Variants in ZNF292 observed in about 807,000 individuals in gnomAD.
ZNF292 encodes zinc finger protein 292.
In ZNF292, 26 loss-of-function variants were observed where a neutral mutation model predicts 217.9. That is an observed-to-expected ratio of 0.12 (90% CI 0.09 to 0.17). The LOEUF is 0.17. ZNF292 is among the 10% of genes least tolerant of loss of function. ZNF292 has a pLI of 1.00. For missense variants in ZNF292, 2,904 were observed against 3,175.2 expected (o/e 0.91, Z 2.05); for synonymous variants, 1,257 against 1,124.1 (o/e 1.12, Z -2.37).
chr6:87,189,393 ATAT>A (rs907652502), intron 1 of ZNF292, among the ~76,000 whole-genome samples: 4 of 151,652 alleles, frequency 2.6e-5, no homozygotes, highest in African/African-American at 7.3e-5. Context: ...CAATATTCAT[ATAT>A]TATTATTATT....
At chr6:87,190,283 A>G (rs1336420781) in intron 1 of ZNF292, among the ~76,000 whole-genome samples, 1 of 152,184 alleles carries the variant, frequency 6.6e-6, no homozygotes, top group Non-Finnish European at 1.5e-5. Context: ...AGCTTTCTTC[A>G]TTCAGGTACT....
Position 87,204,649 on chromosome 6 carries a change from C to T in ZNF292, c.169-11254C>T, listed in dbSNP as rs954868237. 8.9e-5 allele frequency among the ~76,000 whole-genome samples: 13 copies of T among 145,908 alleles called. 1 individual carries two copies. Among genetic ancestry groups the T allele is most frequent in the African/African-American group, 1.3e-4 (5 of 38,716 alleles). Reference sequence around the variant, plus strand: ...CACGATCTTGCCTCACTGCAACCTCCGCCTCCTGGGTTCAAGCGATTCTCC... The same window carrying T: ...CACGATCTTGCCTCACTGCAACCTCTGCCTCCTGGGTTCAAGCGATTCTCC... On this transcript the variant is annotated intron_variant, in intron 1 of 7. Coordinates refer to ENST00000369577, the MANE Select transcript of ZNF292 (RefSeq NM_015021.3).
At chr6:87,162,928 A>T (rs147347745) in intron 1 of ZNF292, among the ~76,000 whole-genome samples, 120 of 152,340 alleles carry the variant, frequency 7.9e-4, no homozygotes, top group South Asian at 1.9e-3. Flanking sequence ...TGTAAAATGG[A>T]AAGTTTGCTT....
intron 1 of ZNF292, among the ~76,000 whole-genome samples, chr6:87,187,274 C>A (rs1771693044): frequency 2.0e-5 from 3 of 151,840 alleles, no homozygotes; most frequent in Admixed American, 2.0e-4. Context: ...AAATCTTGTT[C>A]AGTAACTCAC....
At chr6:87,168,888 T>C (rs915467426) in intron 1 of ZNF292, among the ~76,000 whole-genome samples, 2 of 152,154 alleles carry the variant, frequency 1.3e-5, no homozygotes, top group African/African-American at 2.4e-5. Context: ...CCCCAGATGC[T>C]CAAGTCCCTT....
In ZNF292 at chr6:87,260,640, A is replaced by G; in HGVS notation, c.7011A>G (p.Lys2337=). The stretch of plus-strand genomic sequence containing the variant: ...AAATGCCCAAGACCAAACGAAAGAA[A>G]AAAAATAATTTAGAAAACAAGAATG... ...GIKMPKTKRK[K]KNNLENKNAK... is the part of the protein sequence containing the mutation. Residue 2337 remains lysine (K), a synonymous_variant, in exon 8 of 8, where the codon AAA becomes AAG. Transcript: ENST00000369577. The G allele has an allele frequency of 6.2e-7, 1 of 1,612,594 alleles. No homozygotes were observed. The highest frequency in any genetic ancestry group is 8.5e-7 in the Non-Finnish European group (1 of 1,179,484).
At position 87,233,045 on chromosome 6, in the gene ZNF292, A is replaced by T. The variant is rs114005734; in HGVS notation, c.539-280A>T. Among the ~76,000 whole-genome samples, 884 of 152,258 alleles carry T rather than the reference A, an allele frequency of 5.8e-3. 8 individuals carry two copies. Among genetic ancestry groups the T allele is most frequent in the African/African-American group, 0.02 (847 of 41,566 alleles). Reference sequence around the variant, plus strand: ...TGTAATTTTAATAACATTGACTATTAGCATTTAACACAGAACTATTTTCAT... The same window carrying T: ...TGTAATTTTAATAACATTGACTATTTGCATTTAACACAGAACTATTTTCAT... On this transcript the variant is annotated intron_variant, in intron 4 of 7. Transcript: ENST00000369577.
Position 87,261,822 on chromosome 6 carries a change from C to A in ZNF292, c.*21C>A. 3 of 1,385,012 alleles carry A rather than the reference C, an allele frequency of 2.2e-6. No individual in the cohort carries two copies. Among genetic ancestry groups the A allele is most frequent in the Non-Finnish European group, 2.9e-6 (3 of 1,035,120 alleles). The allele number at this position is 1,385,012 out of a possible 1,614,324, so 85.8% of individuals were successfully genotyped here. ...ACTGATAATTAATGTAGTATAAATACATCATTTACCATTTTATTTTAAATA... is the reference window on the plus strand; with the variant it reads ...ACTGATAATTAATGTAGTATAAATAAATCATTTACCATTTTATTTTAAATA... On this transcript the variant is annotated 3_prime_UTR_variant, in exon 8 of 8. Coordinates refer to ENST00000369577, the MANE Select transcript of ZNF292 (RefSeq NM_015021.3).
At chr6:87,226,003 G>A (rs1773326463) in intron 4 of ZNF292, among the ~76,000 whole-genome samples, 1 of 152,084 alleles carries the variant, frequency 6.6e-6, no homozygotes. Flanking sequence ...GACACTCATG[G>A]TGCATCCTTG....
Position 87,257,173 on chromosome 6 carries a change from G to A in ZNF292, c.3544G>A (p.Ala1182Thr). The change falls in exon 8 of 8, where the codon GCC becomes ACC. Residue 1182 changes from alanine to threonine, a missense_variant. Coordinates refer to ENST00000369577, the MANE Select transcript of ZNF292 (RefSeq NM_015021.3). ...AGCCAATGGGAATCCTGCTTGTTCG[G>A]CCCAGTTGCAGCATGTCTCGCCACC... The part of the protein sequence containing the change: ...TKANGNPACS[A>T]QLQHVSPPIF... The A allele has an allele frequency of 6.2e-7, 1 of 1,613,758 alleles. No homozygotes were observed. Among genetic ancestry groups the A allele is most frequent in the Non-Finnish European group, 8.5e-7 (1 of 1,179,824 alleles).
intron 1 of ZNF292, among the ~76,000 whole-genome samples, chr6:87,184,757 A>G (rs750520348): frequency 1.9e-4 from 29 of 152,168 alleles, no homozygotes; most frequent in Non-Finnish European, 3.2e-4. Flanking sequence ...GGCCTCAACC[A>G]AGGAAGCTGG....
chr6:87,166,561 A>G (rs1181813101), intron 1 of ZNF292, among the ~76,000 whole-genome samples: 2 of 152,218 alleles, frequency 1.3e-5, no homozygotes, highest in African/African-American at 4.8e-5. Context: ...CCTGTACCTT[A>G]AAGCCCAGCA....
chr6:87,164,875 G>GCCTCCGCCTC (rs1562118395), intron 1 of ZNF292, among the ~76,000 whole-genome samples: 6 of 148,848 alleles, frequency 4.0e-5, no homozygotes, highest in African/African-American at 1.2e-4. Flanking sequence ...CGAGTCTTCT[G>GCCTCCGCCTC]CCTCCGCCTC....
chr6:87,262,986 A>C lies in ZNF292; in HGVS notation c.*1185A>C, dbSNP rs1216984249. 1 of 152,008 alleles carries C rather than the reference A, an allele frequency of 6.6e-6. No homozygotes were observed. Among genetic ancestry groups the C allele is most frequent in the Non-Finnish European group, 1.5e-5 (1 of 67,892 alleles). 9.4% of individuals were successfully genotyped at this position (152,008 alleles called of 1,614,324 possible). A position where few individuals can be genotyped will look rare whatever the true frequency, so the allele number is the denominator to read the frequency against. ...TTCTATAAGGAAGTTGGATGTTTTGATTTTACTGTTTATAGATGTTAGATT... is the reference window on the plus strand; with the variant it reads ...TTCTATAAGGAAGTTGGATGTTTTGCTTTTACTGTTTATAGATGTTAGATT... On this transcript the variant is annotated 3_prime_UTR_variant, in exon 8 of 8. Transcript: ENST00000369577.
At position 87,235,215 on chromosome 6, in the gene ZNF292, T is replaced by A. The variant is rs1346728399; in HGVS notation, c.741+1688T>A. Among the ~76,000 whole-genome samples the A allele has an allele frequency of 2.2e-5, 3 of 138,198 alleles. No individual in the cohort carries two copies. The East Asian group carries it at 6.1e-4, about 28-fold the overall frequency. The allele number at this position is 138,198 out of a possible 152,430, so 90.7% of individuals were successfully genotyped here. ...AAGTTAATTTGCAGATGTATAAAAT[T>A]TATTGAAATCACCTTTGACGTGTTG... is the stretch of plus-strand genomic sequence containing the variant. On this transcript the variant is annotated intron_variant, in intron 5 of 7. Coordinates refer to ENST00000369577, the MANE Select transcript of ZNF292 (RefSeq NM_015021.3).
rs758502605 is a variant in ZNF292, at chr6:87,256,342, A to T, written c.2713A>T (p.Ile905Phe). Residue 905 changes from isoleucine to phenylalanine, a missense_variant, in exon 8 of 8, where the codon ATT becomes TTT. Ile to Phe is a conservative substitution (Grantham distance 21). Transcript: ENST00000369577. ...ATCAGCTGTGACCAAACAAGACCAG[A>T]TTTCTGCCTCTGAGCTCAGGCAAGC... ...AESAVTKQDQ[I>F]SASELRQANG... 6.2e-7 allele frequency: 1 copy of T among 1,612,250 alleles called. No individual in the cohort carries two copies. The highest frequency in any genetic ancestry group is 8.5e-7 in the Non-Finnish European group (1 of 1,179,838).
At chr6:87,241,417 A>ATTTTTTTTT (rs34271239) in intron 5 of ZNF292, among the ~76,000 whole-genome samples, 1 of 124,676 alleles carries the variant, frequency 8.0e-6, no homozygotes, top group African/African-American at 3.0e-5. Context: ...AAGAGCTTGG[A>ATTTTTTTTT]TTTTTTTTTT....
intron 5 of ZNF292, among the ~76,000 whole-genome samples, chr6:87,235,886 A>G (rs550062227): frequency 2.4e-4 from 36 of 152,344 alleles, no homozygotes; most frequent in African/African-American, 7.5e-4. Context: ...GATAGATGTT[A>G]AGTCTACACT....
At chr6:87,175,206 C>T (rs1017049412) in intron 1 of ZNF292, among the ~76,000 whole-genome samples, 22 of 152,192 alleles carry the variant, frequency 1.4e-4, no homozygotes, top group Non-Finnish European at 2.9e-4. Flanking sequence ...GAAACTTCTC[C>T]TTCCTAAAAA....
Sources: allele counts gnomAD v4.1 joint callset (sites outside exome capture counted in the v4.1 genomes callset), GRCh38; gene constraint gnomAD v4.1.1; transcripts MANE v1.5; gene names NCBI Gene and HGNC (gene_info 2026-07-23, HGNC 2026-07-21).